The following RAD54B variants were observed in gnomAD, a reference collection of about 807,000 sequenced individuals.
RAD54B encodes DNA repair and recombination protein RAD54B.
In RAD54B, 78 loss-of-function variants were observed where a neutral mutation model predicts 95.8. That is an observed-to-expected ratio of 0.81 (90% CI 0.68 to 0.98). RAD54B has a LOEUF of 0.98. Among genes scored for constraint, RAD54B ranks in the 50% least tolerant of loss-of-function variants. The probability of loss-of-function intolerance (pLI) is 0.00; values close to 1 mark genes in which losing one functional copy is unlikely to be tolerated. For synonymous variants in RAD54B, 328 were observed against 354.9 expected (o/e 0.92, Z 0.85); for missense variants, 957 against 1,056.6 (o/e 0.91, Z 1.31).
chr8:94,415,675 AAAAC>A (rs1416926406), intron 3 of RAD54B, among the ~76,000 whole-genome samples: 10 of 147,050 alleles, frequency 6.8e-5, no homozygotes, highest in Non-Finnish European at 9.0e-5. Context: ...TTACAAGAAA[AAAAC>A]AAACAACCCC....
intron 2 of RAD54B, 45 bp from the exon 3 acceptor site, chr8:94,458,481 T>C (rs1305350076): frequency 2.2e-5 from 27 of 1,228,688 alleles, no homozygotes; most frequent in Non-Finnish European, 2.7e-5. Context: ...CAAACCTAAT[T>C]TTCTGTATTT....
At chr8:94,436,711 T>G in intron 3 of RAD54B, 3 of 1,550,750 alleles carry the variant, frequency 1.9e-6, no homozygotes, top group Non-Finnish European at 2.6e-6. Flanking sequence ...AATTGCATTA[T>G]AGTTAACTGC....
rs371805552 is a variant in RAD54B at position 94,442,403 on chromosome 8, TCTA to T, written c.304+15862_304+15864del. ...CTGGCTAACATGGTGAAACCCCGTCTCTACTACTAAAAATACAAAACATTAGCC... is the reference window on the plus strand; with the variant it reads ...CTGGCTAACATGGTGAAACCCCGTCTCTACTAAAAATACAAAACATTAGCC... On this transcript the variant is annotated intron_variant, in intron 3 of 14. Coordinates refer to ENST00000336148, the MANE Select transcript of RAD54B (RefSeq NM_012415.3). Among the ~76,000 whole-genome samples the T allele has an allele frequency of 2.0e-3, 300 of 152,000 alleles. 1 individual carries two copies. The highest frequency in any genetic ancestry group is 5.8e-3 in the African/African-American group (240 of 41,476).
intron 6 of RAD54B, 32 bp from the exon 7 acceptor site, chr8:94,400,495 C>T (rs779775619): frequency 3.0e-5 from 45 of 1,517,710 alleles, no homozygotes; most frequent in Admixed American, 1.2e-4. Flanking sequence ...CCTTTAATCA[C>T]AATAGAAAAA....
intron 3 of RAD54B, among the ~76,000 whole-genome samples, chr8:94,417,705 T>TC (rs1397886768): frequency 7.3e-5 from 11 of 150,936 alleles, no homozygotes; most frequent in Non-Finnish European, 1.6e-4. Context: ...GACATATGTC[T>TC]GGAAAAAAAA....
At chr8:94,393,644 C>G (rs1428433795) in intron 9 of RAD54B, 99 bp downstream of exon 9, 10 of 1,161,870 alleles carry the variant, frequency 8.6e-6, no homozygotes, top group Non-Finnish European at 1.2e-5. Context: ...ATAAAGAGTT[C>G]ACACTATTGA....
intron 3 of RAD54B, chr8:94,429,694 T>A: frequency 4.1e-6 from 4 of 983,366 alleles, no homozygotes; most frequent in South Asian, 9.4e-5. Flanking sequence ...TAGCACAGAT[T>A]AAAGAGAAAA....
At chr8:94,448,162 A>G (rs572940353) in intron 3 of RAD54B, among the ~76,000 whole-genome samples, 3 of 152,276 alleles carry the variant, frequency 2.0e-5, no homozygotes, top group African/African-American at 7.2e-5. Flanking sequence ...TTCATTCTCC[A>G]AAAAGTAGAG....
At chr8:94,474,195 T>C (rs1187845171) in intron 1 of RAD54B, among the ~76,000 whole-genome samples, 1 of 152,014 alleles carries the variant, frequency 6.6e-6, no homozygotes, top group Non-Finnish European at 1.5e-5. Context: ...ATGGCAACAA[T>C]AGACAGTGGA....
chr8:94,382,113 CAAAA>C (rs537712504), intron 11 of RAD54B, among the ~76,000 whole-genome samples: 4 of 106,780 alleles, frequency 3.7e-5, no homozygotes, highest in Admixed American at 9.5e-5. Flanking sequence ...GACTCCCTCT[CAAAA>C]AAAAAAAAAA....
rs1234833903 is a variant in RAD54B at position 94,468,858 on chromosome 8, G to A, written c.-16-1303C>T. Among the ~76,000 whole-genome samples the A allele has an allele frequency of 2.6e-5, 4 of 151,894 alleles. No homozygotes were observed. The East Asian group carries it at 7.7e-4, about 29-fold the overall frequency. ...AAAAAGATAAGAGGAGCTTGGTGGTGCATGCCTGTAGTCTCAGCTACTCAG... is the reference window on the plus strand; with the variant it reads ...AAAAAGATAAGAGGAGCTTGGTGGTACATGCCTGTAGTCTCAGCTACTCAG... On this transcript the variant is annotated intron_variant, in intron 1 of 14. Transcript: ENST00000336148.
chr8:94,393,101 A>G (rs1331330784), intron 9 of RAD54B, among the ~76,000 whole-genome samples: 2 of 151,618 alleles, frequency 1.3e-5, no homozygotes, highest in Non-Finnish European at 2.9e-5. Flanking sequence ...GGATTACAGG[A>G]ATGAGCCACC....
chr8:94,413,824 A>ATTCTTTTTTTTTT (rs939664510), intron 3 of RAD54B, among the ~76,000 whole-genome samples: 2 of 131,810 alleles, frequency 1.5e-5, no homozygotes, highest in African/African-American at 5.4e-5. Context: ...CAGAATAATT[A>ATTCTTTTTTTTTT]TTCTTTTTTT....
At chr8:94,419,646 T>G (rs917497904) in intron 3 of RAD54B, among the ~76,000 whole-genome samples, 1 of 151,984 alleles carries the variant, frequency 6.6e-6, no homozygotes, top group Non-Finnish European at 1.5e-5. Context: ...TTTAATATTT[T>G]CTTTAATAGG....
chr8:94,393,565 A>G, intron 9 of RAD54B, 178 bp downstream of exon 9: 1 of 539,516 alleles, frequency 1.9e-6, no homozygotes, highest in Non-Finnish European at 3.2e-6. Flanking sequence ...GTTCCTATTC[A>G]TGAATTTTAG....
chr8:94,400,515 C>T, intron 6 of RAD54B, 52 bp from the exon 7 acceptor site: 1 of 1,400,496 alleles, frequency 7.1e-7, no homozygotes, highest in African/African-American at 1.5e-5. Context: ...ATATTTTATG[C>T]TCTTAAAATC....
intron 14 of RAD54B, among the ~76,000 whole-genome samples, chr8:94,375,706 A>T (rs1810550682): frequency 6.6e-6 from 1 of 152,236 alleles, no homozygotes; most frequent in East Asian, 1.9e-4. Flanking sequence ...AAACTCTGTA[A>T]CAATACGGAA....
Position 94,391,678 on chromosome 8 carries a change from G to C in RAD54B, c.1740C>G (p.Pro580=). Residue 580 remains proline, a synonymous_variant, in exon 10 of 15, where the codon CCC becomes CCG. Transcript: ENST00000336148. Reference sequence around the variant, plus strand: ...TAAGAGCTCCTATACATATTAGATGGGGACTATTTTCCAACAACCCTTGAA... The same window carrying C: ...TAAGAGCTCCTATACATATTAGATGCGGACTATTTTCCAACAACCCTTGAA... ...FCLQGLLENS[P]HLICIGALKK... 6.2e-7 allele frequency: 1 copy of C among 1,613,828 alleles called. No homozygotes were observed. The highest frequency in any genetic ancestry group is 8.5e-7 in the Non-Finnish European group (1 of 1,179,968).
chr8:94,466,468 C>T (rs1032962449), intron 2 of RAD54B, among the ~76,000 whole-genome samples: 1 of 151,568 alleles, frequency 6.6e-6, no homozygotes, highest in Non-Finnish European at 1.5e-5. Context: ...AGTGCAGTGG[C>T]ATGATCTCAG....
Sources: allele counts gnomAD v4.1 joint callset (sites outside exome capture counted in the v4.1 genomes callset), GRCh38; gene constraint gnomAD v4.1.1; transcripts MANE v1.5; gene names NCBI Gene and HGNC (gene_info 2026-07-23, HGNC 2026-07-21).